Variants in SRBD1 observed in about 807,000 individuals in gnomAD.
The protein encoded by SRBD1 is S1 RNA binding domain 1.
Under a neutral mutation model 115.3 loss-of-function variants are expected in SRBD1, and 88 were observed. The observed-to-expected ratio is 0.76, with a 90% CI of 0.64 to 0.91. The LOEUF (loss-of-function observed/expected upper bound fraction) is 0.91, where lower values mean the gene tolerates loss of function less well. Among genes scored for constraint, SRBD1 ranks in the 40% least tolerant of loss-of-function variants. SRBD1 has a pLI of 0.00. For synonymous variants in SRBD1, 509 were observed against 407.7 expected, an observed-to-expected ratio of 1.25 and a Z score of -2.99; for missense variants, 1,385 against 1,177.4, an observed-to-expected ratio of 1.18 and a Z score of -2.58.
At chr2:45,488,159 T>C (rs184384277) in intron 15 of SRBD1, 81 bp downstream of exon 15, 2,050 of 1,206,434 alleles carry the variant, frequency 1.7e-3, no homozygotes, top group Non-Finnish European at 2.3e-3. Flanking sequence ...TTTTCTTTGA[T>C]ATTTAGAATA....
At chr2:45,607,988 C>A (rs1226649671) in intron 1 of SRBD1, among the ~76,000 whole-genome samples, 1 of 152,200 alleles carries the variant, frequency 6.6e-6, no homozygotes, top group Non-Finnish European at 1.5e-5. Context: ...TCCCATCAAA[C>A]AACCCACCCA....
At chr2:45,558,290 T>C (rs949573768) in intron 10 of SRBD1, among the ~76,000 whole-genome samples, 17 of 152,162 alleles carry the variant, frequency 1.1e-4, no homozygotes, top group Admixed American at 8.5e-4. Flanking sequence ...CATAGTGAGA[T>C]AATGTCTCTA....
chr2:45,434,993 TC>T (rs1318895532), intron 16 of SRBD1, among the ~76,000 whole-genome samples: 1 of 152,018 alleles, frequency 6.6e-6, no homozygotes, highest in Non-Finnish European at 1.5e-5. Flanking sequence ...ATCGTTCAAT[TC>T]CCACCTATGA....
In SRBD1 at chr2:45,546,536, T is replaced by C. The variant is rs2276656; in HGVS notation, c.1874+196A>G. Among the ~76,000 whole-genome samples the C allele has an allele frequency of 3.3e-5, 5 of 152,332 alleles. No homozygotes were observed. The East Asian group carries it at 7.7e-4, about 23-fold the overall frequency. On this transcript the variant is annotated intron_variant, in intron 14 of 20. Transcript: ENST00000263736. Reference sequence around the variant, plus strand: ...AAGAGGTTTCTGGACTCTGTCCTGCTCTAATCATTCCTGTCTCAAATTTCT... The same window carrying C: ...AAGAGGTTTCTGGACTCTGTCCTGCCCTAATCATTCCTGTCTCAAATTTCT...
chr2:45,597,827 A>T (rs1008274202), intron 4 of SRBD1, among the ~76,000 whole-genome samples: 1 of 152,144 alleles, frequency 6.6e-6, no homozygotes, highest in Non-Finnish European at 1.5e-5. Flanking sequence ...CATTTTCTAC[A>T]TCTCTTTCCC....
At chr2:45,466,130 T>C (rs1669479535) in intron 16 of SRBD1, among the ~76,000 whole-genome samples, 1 of 152,184 alleles carries the variant, frequency 6.6e-6, no homozygotes, top group African/African-American at 2.4e-5. Context: ...AATACTGTGA[T>C]TTCAGACACT....
chr2:45,498,857 T>C (rs1201769852), intron 14 of SRBD1, among the ~76,000 whole-genome samples: 1 of 152,226 alleles, frequency 6.6e-6, no homozygotes, highest in Non-Finnish European at 1.5e-5. Flanking sequence ...TAATATCCCA[T>C]TGTGTATACA....
chr2:45,551,302 GAA>G lies in SRBD1; in HGVS notation c.1518-22_1518-21del, dbSNP rs536111665. ...TTGGCTCTTTAGAAATAGAAGAAAA[GAA>G]AAAGTTTTTCATTCACCCAAATTTT... On this transcript the variant is annotated intron_variant, in intron 11 of 20. Coordinates refer to ENST00000263736, the MANE Select transcript of SRBD1 (RefSeq NM_018079.5). The G allele has an allele frequency of 2.0e-3, 3,150 of 1,575,396 alleles. 2 individuals carry two copies. The highest frequency in any genetic ancestry group is 2.6e-3 in the Non-Finnish European group (3,017 of 1,170,704).
Position 45,418,261 on chromosome 2 carries a change from G to C in SRBD1, c.2333+104C>G, listed in dbSNP as rs1464370318. ...TCAACACTTAACTGAATGAAGGCAT[G>C]AACAATGGACACTTAGAAAATTTTA... On this transcript the variant is annotated intron_variant, in intron 18 of 20. Coordinates refer to ENST00000263736, the MANE Select transcript of SRBD1 (RefSeq NM_018079.5). The C allele has an allele frequency of 4.4e-6, 6 of 1,360,340 alleles. No individual in the cohort carries two copies. In the East Asian group the frequency reaches 1.4e-4, roughly 32 times the overall value. 84.3% of individuals were successfully genotyped at this position (1,360,340 alleles called of 1,614,324 possible). A position where few individuals can be genotyped will look rare whatever the true frequency, so the allele number is the denominator to read the frequency against.
chr2:45,479,141 A>T (rs771081815), intron 15 of SRBD1, among the ~76,000 whole-genome samples: 3 of 152,162 alleles, frequency 2.0e-5, no homozygotes, highest in Admixed American at 6.5e-5. Context: ...TGACTGCTCC[A>T]CCAACTGGCT....
intron 1 of SRBD1, among the ~76,000 whole-genome samples, chr2:45,607,586 G>C (rs1420839086): frequency 6.6e-6 from 1 of 151,936 alleles, no homozygotes; most frequent in Non-Finnish European, 1.5e-5. Flanking sequence ...GCCAGTAGTG[G>C]GAGCATATGA....
chr2:45,412,180 T>C (rs1005433884), intron 19 of SRBD1, among the ~76,000 whole-genome samples: 32 of 151,962 alleles, frequency 2.1e-4, no homozygotes, highest in East Asian at 7.7e-4. Context: ...GAAAAACAGA[T>C]AGAATAAAAT....
In SRBD1 at chr2:45,539,759, A is replaced by G. The variant is rs532469509; in HGVS notation, c.1874+6973T>C. ...CAAATCCTCTTTGAAGCAACTTACC[A>G]TCAGTCCAGGCCTAAATGAATTCCC... On this transcript the variant is annotated intron_variant, in intron 14 of 20. Transcript: ENST00000263736. Among the ~76,000 whole-genome samples, 433 of 152,312 alleles carry G rather than the reference A, an allele frequency of 2.8e-3. 2 individuals are homozygous for G. Among genetic ancestry groups the G allele is most frequent in the African/African-American group, 9.6e-3 (397 of 41,564 alleles).
intron 11 of SRBD1, among the ~76,000 whole-genome samples, chr2:45,552,866 C>G (rs747032999): frequency 6.6e-6 from 1 of 152,086 alleles, no homozygotes; most frequent in Non-Finnish European, 1.5e-5. Context: ...TCAAGTCCAG[C>G]AAAAGAGAAA....
chr2:45,591,825 A>G (rs1201712446), intron 4 of SRBD1, among the ~76,000 whole-genome samples: 2 of 152,214 alleles, frequency 1.3e-5, no homozygotes, highest in African/African-American at 2.4e-5. Context: ...TTATTACACT[A>G]AAGTGTTAAC....
At chr2:45,482,654 G>A (rs1157728299) in intron 15 of SRBD1, among the ~76,000 whole-genome samples, 1 of 147,740 alleles carries the variant, frequency 6.8e-6, no homozygotes, top group Non-Finnish European at 1.5e-5. Context: ...ACAAACCCAT[G>A]AATAATAAAA....
chr2:45,486,240 C>T, intron 15 of SRBD1, among the ~76,000 whole-genome samples: 1 of 152,136 alleles, frequency 6.6e-6, no homozygotes, highest in East Asian at 1.9e-4. Flanking sequence ...GGATTGTTAC[C>T]TCTCAGAAAA....
rs191516743 is a variant in SRBD1 at position 45,584,812 on chromosome 2, C to T, written c.815+796G>A. On this transcript the variant is annotated intron_variant, in intron 5 of 20. Coordinates refer to ENST00000263736, the MANE Select transcript of SRBD1 (RefSeq NM_018079.5). ...AGGTACTTTCCATTCTGTAACCATA[C>T]AAAACTTACAATCCACTATTGTTAA... 7.5e-4 allele frequency among the ~76,000 whole-genome samples: 114 copies of T among 152,204 alleles called. 1 individual carries two copies. Among genetic ancestry groups the T allele is most frequent in the Admixed American group, 6.2e-3 (95 of 15,284 alleles).
At chr2:45,468,765 T>C (rs1459054108) in intron 16 of SRBD1, among the ~76,000 whole-genome samples, 3 of 152,208 alleles carry the variant, frequency 2.0e-5, no homozygotes, top group Non-Finnish European at 4.4e-5. Context: ...TGCAACAGAA[T>C]TGCTGAGTTG....
Sources: allele counts gnomAD v4.1 joint callset (sites outside exome capture counted in the v4.1 genomes callset), GRCh38; gene constraint gnomAD v4.1.1; transcripts MANE v1.5; gene names NCBI Gene and HGNC (gene_info 2026-07-23, HGNC 2026-07-21).